PARD3B: variants seen among roughly 807,000 people sequenced by gnomAD.
The protein encoded by PARD3B is par-3 family cell polarity regulator beta, also known as partitioning defective 3 homolog B.
PARD3B carries 103 observed loss-of-function variants against 130.2 expected under a neutral mutation model. The observed-to-expected ratio is 0.79, with a 90% CI of 0.67 to 0.93. The LOEUF (loss-of-function observed/expected upper bound fraction) is 0.93, where lower values mean the gene tolerates loss of function less well. Among genes scored for constraint, PARD3B ranks in the 40% least tolerant of loss-of-function variants. The pLI, the probability that PARD3B is intolerant of heterozygous loss-of-function variation, is 0.00. For synonymous variants in PARD3B, 583 were observed against 553.2 expected (o/e 1.05, Z -0.76); for missense variants, 1,609 against 1,499.2 (o/e 1.07, Z -1.21).
intron 2 of PARD3B, among the ~76,000 whole-genome samples, chr2:204,854,066 C>T (rs550511605): frequency 3.9e-5 from 6 of 152,004 alleles, no homozygotes; most frequent in African/African-American, 1.4e-4. Context: ...TGCGAAGATC[C>T]TGAGAAAGAA....
chr2:205,179,524 T>C (rs1158932033), intron 13 of PARD3B, among the ~76,000 whole-genome samples: 1 of 152,204 alleles, frequency 6.6e-6, no homozygotes, highest in Admixed American at 6.5e-5. Context: ...TCTGTTTACA[T>C]ACACAAATAC....
intron 18 of PARD3B, among the ~76,000 whole-genome samples, chr2:205,342,656 T>C (rs1328841762): frequency 6.6e-6 from 1 of 152,326 alleles, no homozygotes; most frequent in East Asian, 1.9e-4. Flanking sequence ...CAGTGTTTTA[T>C]GTTGTGATTT....
chr2:205,140,877 G>A (rs2032894399), intron 10 of PARD3B, among the ~76,000 whole-genome samples: 1 of 152,080 alleles, frequency 6.6e-6, no homozygotes, highest in South Asian at 2.1e-4. Context: ...AAGTCGAAAA[G>A]GCATCTGAAC....
chr2:205,112,188 G>A (rs1039346371), intron 5 of PARD3B, among the ~76,000 whole-genome samples: 1 of 151,888 alleles, frequency 6.6e-6, no homozygotes, highest in African/African-American at 2.4e-5. Flanking sequence ...CAATATCTGG[G>A]CAAAACTCAC....
intron 15 of PARD3B, among the ~76,000 whole-genome samples, chr2:205,194,432 T>C (rs1358628963): frequency 1.3e-5 from 2 of 152,220 alleles, no homozygotes; most frequent in African/African-American, 4.8e-5. Context: ...AAGAGTATTT[T>C]CTCAAGCGTG....
At chr2:204,985,411 T>C (rs1693046323) in intron 3 of PARD3B, among the ~76,000 whole-genome samples, 1 of 152,156 alleles carries the variant, frequency 6.6e-6, no homozygotes, top group South Asian at 2.1e-4. Flanking sequence ...CTGTGGAAGA[T>C]AAATATTTCA....
At chr2:204,962,961 G>A (rs1051595560) in intron 2 of PARD3B, among the ~76,000 whole-genome samples, 2 of 146,178 alleles carry the variant, frequency 1.4e-5, no homozygotes, top group South Asian at 2.1e-4. Flanking sequence ...GAAAAGTTAC[G>A]TTTTGCCTGT....
At position 205,332,273 on chromosome 2, in the gene PARD3B, T is replaced by C. The variant is rs1205927264; in HGVS notation, c.2630+30572T>C. Among the ~76,000 whole-genome samples, 4 of 152,228 alleles carry C rather than the reference T, an allele frequency of 2.6e-5. No homozygotes were observed. The East Asian group carries it at 7.7e-4, about 29-fold the overall frequency. ...GAGAGGTGTATATGTTGTGAGTGTC[T>C]TTCTCATTTATAACAATCCATACTC... On this transcript the variant is annotated intron_variant, in intron 18 of 22. Coordinates refer to ENST00000406610, the MANE Select transcript of PARD3B (RefSeq NM_001302769.2).
At chr2:204,994,691 C>G (rs1693992909) in intron 3 of PARD3B, among the ~76,000 whole-genome samples, 1 of 150,998 alleles carries the variant, frequency 6.6e-6, no homozygotes, top group Admixed American at 6.6e-5. Flanking sequence ...GTTAAAGTCT[C>G]CCATTATTAA....
chr2:205,178,707 C>T (rs2035624001), intron 13 of PARD3B, among the ~76,000 whole-genome samples: 1 of 152,210 alleles, frequency 6.6e-6, no homozygotes. Context: ...TTCCTAGTTA[C>T]ACCAGTGACA....
At chr2:205,226,359 A>C (rs2038549197) in intron 15 of PARD3B, among the ~76,000 whole-genome samples, 1 of 152,002 alleles carries the variant, frequency 6.6e-6, no homozygotes, top group South Asian at 2.1e-4. Flanking sequence ...TTTTAATTTG[A>C]TGTGATCCCA....
At chr2:204,561,269 C>G (rs2031290155) in intron 1 of PARD3B, among the ~76,000 whole-genome samples, 1 of 152,162 alleles carries the variant, frequency 6.6e-6, no homozygotes, top group Admixed American at 6.5e-5. Flanking sequence ...CAACCTGGTG[C>G]TCAGAAATAA....
intron 2 of PARD3B, among the ~76,000 whole-genome samples, chr2:204,688,758 A>G (rs530112335): frequency 6.6e-6 from 1 of 152,202 alleles, no homozygotes; most frequent in East Asian, 1.9e-4. Flanking sequence ...TGCTTTGTGG[A>G]TGCTTAATGA....
rs1268383869 is a variant in PARD3B, at chr2:204,906,806, T to A, written c.223-58346T>A. Among the ~76,000 whole-genome samples the A allele has an allele frequency of 6.6e-6, 1 of 152,234 alleles. No homozygotes were observed. Among genetic ancestry groups the A allele is most frequent in the Non-Finnish European group, 1.5e-5 (1 of 68,042 alleles). On this transcript the variant is annotated intron_variant, in intron 2 of 22. Transcript: ENST00000406610. This position sits in a 1 kb window ranked among gnomAD's most constrained non-coding sequence, Gnocchi z 4.3. Reference sequence around the variant, plus strand: ...TGTTAAACATTTTACATTGGATTATTTCATCTGCGTGGTTTTGTACACCAT... The same window carrying A: ...TGTTAAACATTTTACATTGGATTATATCATCTGCGTGGTTTTGTACACCAT...
chr2:205,232,105 C>T (rs2038865267), intron 15 of PARD3B, among the ~76,000 whole-genome samples: 2 of 152,136 alleles, frequency 1.3e-5, no homozygotes. Flanking sequence ...AAAGGCAAGA[C>T]TCAAGAGGAT....
chr2:204,673,677 A>G lies in PARD3B; in HGVS notation c.121-12504A>G, dbSNP rs73984266. On this transcript the variant is annotated intron_variant, in intron 1 of 22. Transcript: ENST00000406610. This position sits in a 1 kb window ranked among gnomAD's most constrained non-coding sequence, Gnocchi z 4.7. Reference sequence around the variant, plus strand: ...GCCTGACCCCTTATTTAAAAATACAAACTGCCTGTACTCCCCATCCTCCTC... The same window carrying G: ...GCCTGACCCCTTATTTAAAAATACAGACTGCCTGTACTCCCCATCCTCCTC... Among the ~76,000 whole-genome samples, 6,952 of 152,146 alleles carry G rather than the reference A, an allele frequency of 0.046. 544 individuals are homozygous for G. The highest frequency in any genetic ancestry group is 0.16 in the African/African-American group (6,482 of 41,478).
At position 204,791,658 on chromosome 2, in the gene PARD3B, G is replaced by T. The variant is rs540739271; in HGVS notation, c.222+105376G>T. 1.9e-4 allele frequency among the ~76,000 whole-genome samples: 29 copies of T among 152,290 alleles called. No individual in the cohort carries two copies. In the South Asian group the frequency reaches 5.8e-3, roughly 30 times the overall value. On this transcript the variant is annotated intron_variant, in intron 2 of 22. Transcript: ENST00000406610. ...TTGACAGTAATAACTATTGATTCCAGTTTTCTGATTACTTTTAATTAAATT... is the reference window on the plus strand; with the variant it reads ...TTGACAGTAATAACTATTGATTCCATTTTTCTGATTACTTTTAATTAAATT...
intron 15 of PARD3B, among the ~76,000 whole-genome samples, chr2:205,205,212 T>C (rs1327772454): frequency 1.3e-5 from 2 of 152,210 alleles, no homozygotes; most frequent in African/African-American, 4.8e-5. Context: ...TTTGTAGCAA[T>C]TGTGAATGGG....
rs1576075275 is a variant in PARD3B at position 205,176,029 on chromosome 2, G to A, written c.1792-416G>A. ...GGCGAACCTGCTTGAATTCTGACTT[G>A]TCCTAGAGCATATGCACTTAGGCGC... On this transcript the variant is annotated intron_variant, in intron 12 of 22. Coordinates refer to ENST00000406610, the MANE Select transcript of PARD3B (RefSeq NM_001302769.2). This position sits in a 1 kb window ranked among gnomAD's most constrained non-coding sequence, Gnocchi z 5.3. Among the ~76,000 whole-genome samples the A allele has an allele frequency of 6.6e-6, 1 of 152,238 alleles. No homozygotes were observed. The highest frequency in any genetic ancestry group is 1.9e-4 in the East Asian group (1 of 5,174).
Sources: allele counts gnomAD v4.1 joint callset (sites outside exome capture counted in the v4.1 genomes callset), GRCh38; gene constraint gnomAD v4.1.1; non-coding constraint Gnocchi (gnomAD v3.1); transcripts MANE v1.5; gene names NCBI Gene and HGNC (gene_info 2026-07-23, HGNC 2026-07-21).